The following ROBO2 variants were observed in gnomAD, a reference collection of about 807,000 sequenced individuals.
ROBO2 encodes roundabout homolog 2.
ROBO2 carries 53 observed loss-of-function variants against 160.8 expected under a neutral mutation model. That is an observed-to-expected ratio of 0.33 (90% confidence interval 0.26 to 0.41). The LOEUF is 0.41. Among genes scored for constraint, ROBO2 ranks in the 10% least tolerant of loss-of-function variants. The pLI is 1.00. For synonymous variants in ROBO2, 664 were observed against 611.7 expected (o/e 1.09, Z -1.26); for missense variants, 1,577 against 1,722.4 (o/e 0.92, Z 1.49).
chr3:76,712,043 C>A (rs1213848994), intron 2 of ROBO2, among the ~76,000 whole-genome samples: 1 of 152,038 alleles, frequency 6.6e-6, no homozygotes, highest in Non-Finnish European at 1.5e-5. Flanking sequence ...AAGGGGTTAC[C>A]AAACTTTTTG....
At chr3:77,623,858 G>T (rs1184522093) in intron 23 of ROBO2, among the ~76,000 whole-genome samples, 1 of 152,192 alleles carries the variant, frequency 6.6e-6, no homozygotes, top group Admixed American at 6.5e-5. Context: ...AAAACAGTCA[G>T]CTATAGTCTG....
At chr3:75,997,274 A>G (rs1264225904) in intron 2 of ROBO2, among the ~76,000 whole-genome samples, 1 of 152,186 alleles carries the variant, frequency 6.6e-6, no homozygotes, top group Admixed American at 6.5e-5. Flanking sequence ...ATATCAAATG[A>G]TATCAAATCA....
At chr3:76,247,430 T>G (rs377278423) in intron 2 of ROBO2, among the ~76,000 whole-genome samples, 2 of 152,146 alleles carry the variant, frequency 1.3e-5, no homozygotes, top group East Asian at 3.9e-4. Flanking sequence ...AGCTTTCCAT[T>G]AAATATATTC....
chr3:77,207,739 G>A (rs2083611724), intron 2 of ROBO2, among the ~76,000 whole-genome samples: 1 of 152,178 alleles, frequency 6.6e-6, no homozygotes. Flanking sequence ...AGCTTTTAGT[G>A]TGCAGCAGTT....
chr3:76,914,439 A>G (rs1417118085), intron 2 of ROBO2, among the ~76,000 whole-genome samples: 1 of 152,152 alleles, frequency 6.6e-6, no homozygotes, highest in Non-Finnish European at 1.5e-5. Flanking sequence ...TGAATGTAAC[A>G]GCATGTATTT....
chr3:77,132,596 A>G (rs1243216819), intron 2 of ROBO2, among the ~76,000 whole-genome samples: 1 of 152,130 alleles, frequency 6.6e-6, no homozygotes, highest in Non-Finnish European at 1.5e-5. Flanking sequence ...GATGAAATAA[A>G]TGAACTGTAT....
At chr3:76,008,426 T>A (rs1210278637) in intron 2 of ROBO2, among the ~76,000 whole-genome samples, 1 of 152,110 alleles carries the variant, frequency 6.6e-6, no homozygotes, top group Non-Finnish European at 1.5e-5. Flanking sequence ...AAAGGGTAAG[T>A]ATTAGCAGTG....
intron 8 of ROBO2, among the ~76,000 whole-genome samples, chr3:77,552,539 A>T (rs1163275044): frequency 6.6e-6 from 1 of 152,076 alleles, no homozygotes; most frequent in African/African-American, 2.4e-5. Flanking sequence ...AACAGTAGTT[A>T]GTCTAGCTTT....
At chr3:77,469,331 C>G (rs2083112231) in intron 2 of ROBO2, among the ~76,000 whole-genome samples, 1 of 152,058 alleles carries the variant, frequency 6.6e-6, no homozygotes, top group Non-Finnish European at 1.5e-5. Flanking sequence ...TCGGTCTCCC[C>G]CTGGGGTCAA....
intron 2 of ROBO2, among the ~76,000 whole-genome samples, chr3:76,694,160 C>T (rs1040277118): frequency 5.9e-5 from 9 of 152,188 alleles, no homozygotes; most frequent in Non-Finnish European, 1.2e-4. Context: ...TTACATCAGT[C>T]GTGCACTGCT....
At chr3:77,554,937 T>A (rs1280328339) in intron 8 of ROBO2, among the ~76,000 whole-genome samples, 2 of 151,966 alleles carry the variant, frequency 1.3e-5, no homozygotes, top group Admixed American at 1.3e-4. Context: ...TAACACAGCA[T>A]TGCATGCTAC....
intron 2 of ROBO2, among the ~76,000 whole-genome samples, chr3:77,225,343 T>C (rs1287483145): frequency 1.3e-5 from 2 of 151,930 alleles, no homozygotes; most frequent in African/African-American, 4.8e-5. Flanking sequence ...CCATTTTACT[T>C]TTATTAATAG....
chr3:76,567,743 T>TTTTA (rs1553805906), intron 2 of ROBO2, among the ~76,000 whole-genome samples: 51 of 106,060 alleles, frequency 4.8e-4, no homozygotes, highest in Admixed American at 1.0e-3. Flanking sequence ...ATATACTGTT[T>TTTTA]TATATATATA....
chr3:76,486,947 A>G (rs2079529290), intron 2 of ROBO2, among the ~76,000 whole-genome samples: 1 of 152,028 alleles, frequency 6.6e-6, no homozygotes, highest in Non-Finnish European at 1.5e-5. Context: ...CTTTTGGAAT[A>G]CCCAAGCCAG....
chr3:77,630,515 T>G (rs1033724601), intron 23 of ROBO2: 1 of 137,666 alleles, frequency 7.3e-6, no homozygotes, highest in African/African-American at 2.6e-5. Context: ...GTCCCCCCCT[T>G]GACACATGGG....
chr3:76,636,551 A>T (rs1158439079), intron 2 of ROBO2, among the ~76,000 whole-genome samples: 2 of 152,048 alleles, frequency 1.3e-5, no homozygotes, highest in African/African-American at 4.8e-5. Context: ...CCCAGTCCTG[A>T]CTCCCAGCAA....
At chr3:76,801,520 C>G (rs1245649338) in intron 2 of ROBO2, among the ~76,000 whole-genome samples, 3 of 151,840 alleles carry the variant, frequency 2.0e-5, no homozygotes, top group African/African-American at 7.3e-5. Flanking sequence ...ATGCAAATAT[C>G]TCATGTACCC....
At position 76,409,785 on chromosome 3, in the gene ROBO2, CA is replaced by C. The variant is rs370668530; in HGVS notation, c.109+472190del. ...TATCAAAACCTAAGCATAATAACAA[CA>C]AAAAAATTGGCACAGTGTTCAGATA... is the stretch of plus-strand genomic sequence containing the variant. On this transcript the variant is annotated intron_variant, in intron 2 of 26. Transcript: ENST00000487694. Among the ~76,000 whole-genome samples the C allele has an allele frequency of 3.2e-3, 490 of 152,048 alleles. 6 individuals are homozygous for C. The highest frequency in any genetic ancestry group is 0.023 in the Admixed American group (358 of 15,260).
At chr3:77,609,682 A>G (rs1349335315) in intron 21 of ROBO2, among the ~76,000 whole-genome samples, 1 of 151,686 alleles carries the variant, frequency 6.6e-6, no homozygotes, top group Admixed American at 6.6e-5. Context: ...GAAAATATTC[A>G]TGAAATAGTA....
Sources: allele counts gnomAD v4.1 joint callset (sites outside exome capture counted in the v4.1 genomes callset), GRCh38; gene constraint gnomAD v4.1.1; transcripts MANE v1.5; gene names NCBI Gene and HGNC (gene_info 2026-07-23, HGNC 2026-07-21).